DCC: variants seen among roughly 807,000 people sequenced by gnomAD.
The protein encoded by DCC is netrin receptor DCC.
In DCC, 58 loss-of-function variants were observed where a neutral mutation model predicts 172.5. The observed-to-expected ratio is 0.34, with a 90% CI of 0.27 to 0.42. The LOEUF (loss-of-function observed/expected upper bound fraction) is 0.42. Among genes scored for constraint, DCC ranks in the 10% least tolerant of loss-of-function variants. The pLI, the probability that DCC is intolerant of heterozygous loss-of-function variation, is 1.00. For missense variants in DCC, 1,740 were observed against 1,791.0 expected, an observed-to-expected ratio of 0.97 and a Z score of 0.51; for synonymous variants, 709 against 644.5, an observed-to-expected ratio of 1.10 and a Z score of -1.52.
chr18:52,530,223 G>A (rs2032107482), intron 1 of DCC, among the ~76,000 whole-genome samples: 4 of 152,130 alleles, frequency 2.6e-5, no homozygotes, highest in Admixed American at 2.6e-4. Flanking sequence ...TTCAAGGAAT[G>A]GTACATGTTT....
At chr18:52,558,751 CAA>C (rs896737510) in intron 1 of DCC, among the ~76,000 whole-genome samples, 1 of 152,058 alleles carries the variant, frequency 6.6e-6, no homozygotes, top group African/African-American at 2.4e-5. Context: ...AAATGAAAAA[CAA>C]AGAGTGCATC....
chr18:53,076,861 T>C (rs1466786905), intron 7 of DCC, among the ~76,000 whole-genome samples: 1 of 152,126 alleles, frequency 6.6e-6, no homozygotes. Flanking sequence ...CATACAGCAG[T>C]GGTGGCAGCT....
At chr18:52,670,120 A>C (rs1212481830) in intron 1 of DCC, among the ~76,000 whole-genome samples, 1 of 152,258 alleles carries the variant, frequency 6.6e-6, no homozygotes, top group Non-Finnish European at 1.5e-5. Flanking sequence ...AAAATGACCA[A>C]GATGACGCAA....
At chr18:52,729,668 A>G (rs953917599) in intron 1 of DCC, among the ~76,000 whole-genome samples, 2 of 152,222 alleles carry the variant, frequency 1.3e-5, no homozygotes, top group Non-Finnish European at 2.9e-5. Context: ...AAAGTTTTAG[A>G]TAATGCTAAA....
At chr18:52,511,694 C>T (rs764474885) in intron 1 of DCC, among the ~76,000 whole-genome samples, 4 of 152,260 alleles carry the variant, frequency 2.6e-5, no homozygotes, top group Non-Finnish European at 2.9e-5. Flanking sequence ...GGAATTCTCG[C>T]GTTAAAGTTC....
chr18:52,594,483 G>A (rs966631829), intron 1 of DCC, among the ~76,000 whole-genome samples: 8 of 152,246 alleles, frequency 5.3e-5, no homozygotes, highest in Non-Finnish European at 8.8e-5. Context: ...GACAGGAACT[G>A]AAACCTCATT....
At chr18:52,789,663 T>A (rs1389161880) in intron 2 of DCC, among the ~76,000 whole-genome samples, 1 of 152,170 alleles carries the variant, frequency 6.6e-6, no homozygotes, top group East Asian at 1.9e-4. Context: ...ACAAGGTATT[T>A]TCAAAGTGGT....
intron 12 of DCC, among the ~76,000 whole-genome samples, chr18:53,282,692 A>T (rs1425983846): frequency 6.6e-6 from 1 of 152,108 alleles, no homozygotes; most frequent in East Asian, 1.9e-4. Context: ...GACAATTTTT[A>T]AAAAGATTCA....
At chr18:52,931,588 C>T (rs1485941537) in intron 5 of DCC, among the ~76,000 whole-genome samples, 1 of 151,962 alleles carries the variant, frequency 6.6e-6, no homozygotes, top group African/African-American at 2.4e-5. Context: ...AGTGAATATA[C>T]ATTAAATATA....
chr18:52,488,945 C>G (rs1011050433), intron 1 of DCC, among the ~76,000 whole-genome samples: 2 of 151,990 alleles, frequency 1.3e-5, no homozygotes, highest in Non-Finnish European at 2.9e-5. Context: ...CACCTTTCCC[C>G]GCCTCTTCCC....
intron 2 of DCC, among the ~76,000 whole-genome samples, chr18:52,870,594 A>G (rs868204905): frequency 6.6e-6 from 1 of 152,158 alleles, no homozygotes. Flanking sequence ...TCACTGTTGT[A>G]GAATCTAAGA....
intron 11 of DCC, among the ~76,000 whole-genome samples, chr18:53,208,977 C>A (rs570267998): frequency 6.6e-6 from 1 of 152,130 alleles, no homozygotes; most frequent in Non-Finnish European, 1.5e-5. Context: ...GTGATCCACC[C>A]GCCTTGGCCT....
chr18:52,781,610 A>T (rs972636533), intron 2 of DCC, among the ~76,000 whole-genome samples: 1 of 152,006 alleles, frequency 6.6e-6, no homozygotes, highest in African/African-American at 2.4e-5. Flanking sequence ...TCTGCCATCC[A>T]CTTCATCCTC....
At chr18:53,409,527 A>G (rs1340887531) in intron 19 of DCC, among the ~76,000 whole-genome samples, 1 of 152,182 alleles carries the variant, frequency 6.6e-6, no homozygotes, top group African/African-American at 2.4e-5. Flanking sequence ...GAGCGCCTTT[A>G]CGGTGTTATC....
At chr18:53,015,610 G>C (rs2041796913) in intron 5 of DCC, among the ~76,000 whole-genome samples, 1 of 151,988 alleles carries the variant, frequency 6.6e-6, no homozygotes, top group African/African-American at 2.4e-5. Context: ...CTTAGAAGAG[G>C]TTATATCCTT....
At chr18:52,929,781 C>G (rs1568194065) in intron 5 of DCC, among the ~76,000 whole-genome samples, 1 of 149,912 alleles carries the variant, frequency 6.7e-6, no homozygotes, top group Non-Finnish European at 1.5e-5. Context: ...TGAGATTATG[C>G]TAACATACAC....
intron 5 of DCC, among the ~76,000 whole-genome samples, chr18:52,980,804 CAAG>C (rs1186626521): frequency 1.4e-4 from 22 of 151,968 alleles, no homozygotes; most frequent in Non-Finnish European, 2.5e-4. Context: ...TAATTTATCT[CAAG>C]AAATAGTTAA....
intron 2 of DCC, among the ~76,000 whole-genome samples, chr18:52,880,070 C>A (rs117763058): frequency 0.015 from 2,298 of 152,104 alleles, 42 homozygotes; most frequent in African/African-American, 0.038. Flanking sequence ...AATGTACTAT[C>A]AGATTATTAT....
At chr18:52,559,194 C>G (rs965233480) in intron 1 of DCC, among the ~76,000 whole-genome samples, 8 of 152,206 alleles carry the variant, frequency 5.3e-5, no homozygotes, top group Non-Finnish European at 8.8e-5. Context: ...TCACTGCAAC[C>G]TCCGCCTCCC....
Sources: gnomAD v4.1 joint callset for allele counts (sites outside exome capture counted in the v4.1 genomes callset) on GRCh38, gnomAD v4.1.1 for gene constraint, MANE v1.5 for transcripts, NCBI Gene and HGNC (gene_info 2026-07-23, HGNC 2026-07-21) for gene names.